Variants in KCTD1 observed in about 807,000 individuals in gnomAD.
KCTD1 encodes BTB/POZ domain-containing protein KCTD1.
KCTD1 carries 24 observed loss-of-function variants against 66.0 expected under a neutral mutation model. The ratio of observed to expected loss-of-function variants is 0.36; its 90% confidence interval spans 0.26 to 0.51. KCTD1 has a LOEUF of 0.51. Ranked by LOEUF, KCTD1 falls within the 20% of genes least tolerant of loss-of-function variation. The pLI is 0.95. For missense variants in KCTD1, 943 were observed against 1,205.2 expected (o/e 0.78, Z 3.22); for synonymous variants, 511 against 517.2 (o/e 0.99, Z 0.16).
chr18:26,548,477 AGCGCTGGCG>A lies in KCTD1; in HGVS notation c.51_59del (p.Ser19_Ala21del), dbSNP rs1479940601. On this transcript the variant is annotated inframe_deletion, in exon 1 of 5. Coordinates refer to ENST00000580059, the MANE Select transcript of KCTD1 (RefSeq NM_001142730.3). ...CATTGTTCTCGGCGGCGGCGGCGGC[AGCGCTGGCG>A]CTGCCGCCCGCGCTGGTGTTACAGT... The A allele has an allele frequency of 3.3e-6, 4 of 1,213,782 alleles. No homozygotes were observed. In the East Asian group the frequency reaches 1.4e-4, roughly 42 times the overall value. 75.2% of individuals were successfully genotyped at this position (1,213,782 alleles called of 1,614,324 possible).
upstream of KCTD1, among the ~76,000 whole-genome samples, chr18:26,550,575 C>G (rs1215485465): frequency 2.0e-5 from 3 of 149,554 alleles, no homozygotes; most frequent in African/African-American, 5.0e-5. The surrounding 1 kb of genome is among the most constrained non-coding windows in gnomAD (Gnocchi z 5.4). Context: ...GACACACACA[C>G]ACACACACAC....
intron 1 of KCTD1, among the ~76,000 whole-genome samples, chr18:26,623,730 G>A (rs1295267021): frequency 6.6e-6 from 1 of 152,200 alleles, no homozygotes; most frequent in Non-Finnish European, 1.5e-5. Flanking sequence ...AGAGTGGGGT[G>A]CTGCTATAAG....
intron 1 of KCTD1, among the ~76,000 whole-genome samples, chr18:26,654,465 C>A (rs7234868): frequency 1.3e-5 from 2 of 151,974 alleles, no homozygotes; most frequent in South Asian, 4.2e-4. Flanking sequence ...AAATATGAAA[C>A]AAGCTATTAC....
At chr18:26,641,236 C>T (rs763455294), upstream of KCTD1, among the ~76,000 whole-genome samples, 1 of 152,134 alleles carries the variant, frequency 6.6e-6, no homozygotes, top group Non-Finnish European at 1.5e-5. Flanking sequence ...ACGTTTCCCC[C>T]AAGATTCCAA....
intron 1 of KCTD1, among the ~76,000 whole-genome samples, chr18:26,638,510 G>C (rs1212981370): frequency 1.3e-5 from 2 of 152,210 alleles, no homozygotes; most frequent in Non-Finnish European, 2.9e-5. Flanking sequence ...CCCATTTTGG[G>C]GTCAGTTGTG....
upstream of KCTD1, chr18:26,549,711 T>C (rs921426152): frequency 1.0e-6 from 1 of 985,308 alleles, no homozygotes. Context: ...GCAATTCGGA[T>C]CCGGAGCGCA....
At chr18:26,656,000 A>G (rs2145088918) in intron 1 of KCTD1, among the ~76,000 whole-genome samples, 1 of 152,082 alleles carries the variant, frequency 6.6e-6, no homozygotes, top group African/African-American at 2.4e-5. Context: ...GAGAGGAAGC[A>G]CACTTCACAT....
intron 1 of KCTD1, among the ~76,000 whole-genome samples, chr18:26,524,907 G>A (rs376047653): frequency 6.6e-6 from 1 of 152,020 alleles, no homozygotes; most frequent in African/African-American, 2.4e-5. Context: ...TTAGAGGCAC[G>A]ACTTTTAGTT....
chr18:26,491,138 GT>G lies in KCTD1; in HGVS notation c.1988+9933del, dbSNP rs550371185. 3.3e-4 allele frequency among the ~76,000 whole-genome samples: 51 copies of G among 152,292 alleles called. No individual in the cohort carries two copies. The South Asian group carries it at 0.011, about 32-fold the overall frequency. ...TATGCATGCATGCGTGCTTATGTGT[GT>G]TCCATGTAGGAGTGTGAACCTTGAG... On this transcript the variant is annotated intron_variant, in intron 2 of 4. Transcript: ENST00000580059.
intron 3 of KCTD1, among the ~76,000 whole-genome samples, chr18:26,471,924 G>C (rs1981085606): frequency 6.6e-6 from 1 of 152,176 alleles, no homozygotes; most frequent in East Asian, 1.9e-4. Flanking sequence ...TAGGGAGGTG[G>C]GATGAGGGTA....
intron 1 of KCTD1, among the ~76,000 whole-genome samples, chr18:26,546,330 G>A (rs1286495101): frequency 1.3e-5 from 2 of 151,860 alleles, no homozygotes; most frequent in African/African-American, 4.8e-5. Flanking sequence ...ACGTAATAGA[G>A]TCTTTTAAGG....
At chr18:26,620,610 A>AT (rs1987359422) in intron 1 of KCTD1, among the ~76,000 whole-genome samples, 1 of 150,446 alleles carries the variant, frequency 6.6e-6, no homozygotes, top group Non-Finnish European at 1.5e-5. Context: ...TAATTTTTGT[A>AT]TTTTTTGTAG....
At chr18:26,597,690 G>C (rs1234308677) in intron 1 of KCTD1, among the ~76,000 whole-genome samples, 1 of 129,212 alleles carries the variant, frequency 7.7e-6, no homozygotes, top group Non-Finnish European at 1.6e-5. Flanking sequence ...GTCTTGCTCT[G>C]TCACCTAGGC....
chr18:26,554,674 T>C (rs1038890359), intron 1 of KCTD1, among the ~76,000 whole-genome samples: 1 of 152,216 alleles, frequency 6.6e-6, no homozygotes, highest in Non-Finnish European at 1.5e-5. Flanking sequence ...ATGCAGTAAT[T>C]GACAGGAATA....
At chr18:26,504,561 A>C (rs1392434203) in intron 1 of KCTD1, among the ~76,000 whole-genome samples, 1 of 151,510 alleles carries the variant, frequency 6.6e-6, no homozygotes, top group African/African-American at 2.4e-5. Context: ...TTTTAGAGAC[A>C]AGGGTCTCAC....
intron 1 of KCTD1, among the ~76,000 whole-genome samples, chr18:26,604,853 A>G (rs552717854): frequency 1.3e-5 from 2 of 152,308 alleles, no homozygotes; most frequent in South Asian, 2.1e-4. Context: ...GAGTTTATCT[A>G]TGTAACAAAC....
At chr18:26,627,804 G>C (rs925283011) in intron 1 of KCTD1, among the ~76,000 whole-genome samples, 1 of 152,236 alleles carries the variant, frequency 6.6e-6, no homozygotes, top group African/African-American at 2.4e-5. Flanking sequence ...TAGTACATAT[G>C]TGACCTTAGT....
chr18:26,595,038 C>CT (rs1017484877), intron 1 of KCTD1, among the ~76,000 whole-genome samples: 1 of 152,146 alleles, frequency 6.6e-6, no homozygotes, highest in Non-Finnish European at 1.5e-5. Flanking sequence ...CTCTTCTGCT[C>CT]TTTATCTCTC....
intron 1 of KCTD1, among the ~76,000 whole-genome samples, chr18:26,514,259 G>T (rs566770725): frequency 4.6e-5 from 7 of 152,044 alleles, no homozygotes; most frequent in East Asian, 1.9e-4. Context: ...TTAAAGGTGT[G>T]GGGGAGGAGA....
Sources: allele counts gnomAD v4.1 joint callset (sites outside exome capture counted in the v4.1 genomes callset), GRCh38; gene constraint gnomAD v4.1.1; non-coding constraint Gnocchi (gnomAD v3.1); transcripts MANE v1.5; gene names NCBI Gene and HGNC (gene_info 2026-07-23, HGNC 2026-07-21).